Variants in TMEFF2 observed in about 807,000 individuals in gnomAD.
TMEFF2 encodes tomoregulin-2.
A neutral mutation model predicts 53.8 loss-of-function variants in TMEFF2; 28 were observed. The ratio of observed to expected loss-of-function variants is 0.52; its 90% CI spans 0.39 to 0.71. The LOEUF is 0.71. TMEFF2 is among the 30% of genes least tolerant of loss of function. TMEFF2 has a pLI of 0.00. For synonymous variants in TMEFF2, 162 were observed against 166.3 expected, an observed-to-expected ratio of 0.97 and a Z score of 0.20; for missense variants, 353 against 455.2, an observed-to-expected ratio of 0.78 and a Z score of 2.04.
intron 4 of TMEFF2, among the ~76,000 whole-genome samples, chr2:192,130,382 A>G (rs1030552409): frequency 1.3e-5 from 2 of 152,122 alleles, no homozygotes; most frequent in African/African-American, 4.8e-5. Context: ...CCTTAGAAAG[A>G]GTATGTCAGG....
chr2:192,071,196 A>G (rs1479452526), intron 4 of TMEFF2, among the ~76,000 whole-genome samples: 2 of 151,900 alleles, frequency 1.3e-5, no homozygotes, highest in African/African-American at 4.8e-5. Context: ...TGTTTAAGAT[A>G]GCTGCTCTCT....
chr2:192,046,492 A>T (rs1308753237), intron 5 of TMEFF2, among the ~76,000 whole-genome samples: 1 of 152,186 alleles, frequency 6.6e-6, no homozygotes, highest in Non-Finnish European at 1.5e-5. Context: ...AGCATTTAAT[A>T]TGTGGTGCTC....
At chr2:192,004,483 A>C (rs945782872) in intron 5 of TMEFF2, among the ~76,000 whole-genome samples, 3 of 152,122 alleles carry the variant, frequency 2.0e-5, no homozygotes, top group Admixed American at 6.6e-5. Context: ...AGGCTCTGAT[A>C]AAAAGGTGAC....
chr2:192,062,299 AAATT>A (rs1331705793), intron 4 of TMEFF2, among the ~76,000 whole-genome samples: 12 of 152,180 alleles, frequency 7.9e-5, no homozygotes, highest in African/African-American at 2.7e-4. Flanking sequence ...ATAGCTTTTG[AAATT>A]AATTCAGGTA....
At chr2:191,994,875 C>T (rs981180821) in intron 7 of TMEFF2, among the ~76,000 whole-genome samples, 2 of 151,890 alleles carry the variant, frequency 1.3e-5, no homozygotes, top group Non-Finnish European at 2.9e-5. Context: ...ATGAAGAGAT[C>T]CAAAGCCCTT....
intron 4 of TMEFF2, among the ~76,000 whole-genome samples, chr2:192,143,027 A>C (rs1287755960): frequency 6.6e-6 from 1 of 152,154 alleles, no homozygotes; most frequent in Admixed American, 6.6e-5. Context: ...TCATGGAAAC[A>C]TGTTCAGCTT....
At chr2:192,051,113 G>C (rs2105896505) in intron 5 of TMEFF2, among the ~76,000 whole-genome samples, 1 of 152,214 alleles carries the variant, frequency 6.6e-6, no homozygotes, top group African/African-American at 2.4e-5. Flanking sequence ...GGTAAATGGA[G>C]GGAGGTCATA....
At chr2:192,137,866 G>A (rs1053476026) in intron 4 of TMEFF2, among the ~76,000 whole-genome samples, 16 of 151,064 alleles carry the variant, frequency 1.1e-4, no homozygotes, top group Admixed American at 5.3e-4. Context: ...GCAGTGGTGC[G>A]ATCTAGGCTC....
chr2:191,956,480 A>G (rs1574242157), intron 7 of TMEFF2, 102 bp from the exon 8 acceptor site: 2 of 1,296,244 alleles, frequency 1.5e-6, no homozygotes, highest in Non-Finnish European at 2.1e-6. Flanking sequence ...AGATATTTAA[A>G]AGGGCAAGAA....
chr2:191,993,623 A>C (rs1686156784), intron 7 of TMEFF2, among the ~76,000 whole-genome samples: 1 of 152,044 alleles, frequency 6.6e-6, no homozygotes, highest in Non-Finnish European at 1.5e-5. Context: ...TGAGGAAAAT[A>C]AGCTCAACAT....
At chr2:191,982,094 G>A (rs1425797058) in intron 7 of TMEFF2, among the ~76,000 whole-genome samples, 1 of 150,758 alleles carries the variant, frequency 6.6e-6, no homozygotes, top group Non-Finnish European at 1.5e-5. Flanking sequence ...CAACAATTCT[G>A]AAGAGACACT....
At chr2:192,031,259 T>G (rs1687129711) in intron 5 of TMEFF2, 1 of 152,232 alleles carries the variant, frequency 6.6e-6, no homozygotes, top group Admixed American at 6.5e-5. Flanking sequence ...ATATGCTTAC[T>G]TATTTATCAT....
chr2:192,174,088 A>C (rs1690980054), intron 4 of TMEFF2, among the ~76,000 whole-genome samples: 1 of 151,786 alleles, frequency 6.6e-6, no homozygotes, highest in African/African-American at 2.4e-5. Flanking sequence ...GGCATTCTTC[A>C]AGTCAGCTAA....
At chr2:191,964,572 C>A (rs1559063940) in intron 7 of TMEFF2, among the ~76,000 whole-genome samples, 1 of 151,636 alleles carries the variant, frequency 6.6e-6, no homozygotes, top group Non-Finnish European at 1.5e-5. Flanking sequence ...TTGCTCATTT[C>A]CATCAGCATT....
At chr2:192,096,670 C>CT (rs1179296312) in intron 4 of TMEFF2, among the ~76,000 whole-genome samples, 8 of 53,688 alleles carry the variant, frequency 1.5e-4, no homozygotes, top group South Asian at 1.6e-3. Flanking sequence ...CTCTCTCTCT[C>CT]TTTTTTTTTT....
intron 4 of TMEFF2, among the ~76,000 whole-genome samples, chr2:192,117,152 T>G (rs1455408254): frequency 6.6e-6 from 1 of 152,114 alleles, no homozygotes; most frequent in African/African-American, 2.4e-5. Flanking sequence ...TGTAATCAGA[T>G]GTAGTAAAAA....
chr2:192,140,954 C>T (rs1321441255), intron 4 of TMEFF2, among the ~76,000 whole-genome samples: 4 of 152,080 alleles, frequency 2.6e-5, no homozygotes, highest in African/African-American at 9.7e-5. Flanking sequence ...GGAGCATTTA[C>T]TATGTGAAAA....
intron 5 of TMEFF2, among the ~76,000 whole-genome samples, chr2:192,055,804 C>G (rs560161093): frequency 1.4e-5 from 2 of 139,104 alleles, no homozygotes; most frequent in African/African-American, 2.7e-5. Flanking sequence ...AAAAAAGAAG[C>G]GAGACTCTGT....
intron 7 of TMEFF2, among the ~76,000 whole-genome samples, chr2:191,978,954 C>G (rs992098419): frequency 2.6e-5 from 4 of 152,180 alleles, no homozygotes; most frequent in African/African-American, 9.7e-5. Context: ...GGCCAATTAA[C>G]TCCTCCAGGA....
Sources: gnomAD v4.1 joint callset for allele counts (sites outside exome capture counted in the v4.1 genomes callset) on GRCh38, gnomAD v4.1.1 for gene constraint, MANE v1.5 for transcripts, NCBI Gene and HGNC (gene_info 2026-07-23, HGNC 2026-07-21) for gene names.